The following LHFPL7 variants were observed in gnomAD, a reference collection of about 807,000 sequenced individuals.
The protein encoded by LHFPL7 is LHFPL tetraspan subfamily member 7, also known as LHFPL tetraspan subfamily member 7 protein.
the LHFPL7 span, chr22:24,939,527 G>A: frequency 8.5e-6 from 6 of 702,960 alleles, no homozygotes; most frequent in East Asian, 1.6e-4. Flanking sequence ...CCCACACACT[G>A]CTCAACATTA....
At chr22:24,938,838 C>T in the LHFPL7 span, among the ~76,000 whole-genome samples, 2 of 152,154 alleles carry the variant, frequency 1.3e-5, no homozygotes, top group Admixed American at 6.5e-5. Flanking sequence ...TTAAACCTAG[C>T]AGTGTTTAGA....
the LHFPL7 span, chr22:24,935,145 C>T: frequency 2.8e-6 from 2 of 711,920 alleles, no homozygotes; most frequent in Non-Finnish European, 4.5e-6. Flanking sequence ...AGTGAATTCT[C>T]AGAACAACCT....
At chr22:24,945,191 C>G in the LHFPL7 span, among the ~76,000 whole-genome samples, 1 of 152,194 alleles carries the variant, frequency 6.6e-6, no homozygotes, top group South Asian at 2.1e-4. Context: ...GCATGAGCCA[C>G]CGTGCCTAGC....
chr22:24,946,234 C>G, the LHFPL7 span, among the ~76,000 whole-genome samples: 1 of 151,904 alleles, frequency 6.6e-6, no homozygotes. Context: ...CACTTGAACC[C>G]GGAAGGCGGA....
At chr22:24,943,073 C>G in the LHFPL7 span, among the ~76,000 whole-genome samples, 1 of 151,582 alleles carries the variant, frequency 6.6e-6, no homozygotes, top group Non-Finnish European at 1.5e-5. Context: ...TGAGAGGGGA[C>G]AGTATTTTTA....
chr22:24,945,842 G>C, the LHFPL7 span, among the ~76,000 whole-genome samples: 1 of 152,194 alleles, frequency 6.6e-6, no homozygotes, highest in Non-Finnish European at 1.5e-5. Context: ...ACATTCTCCC[G>C]GCTATGCAGC....
chr22:24,943,427 A>C, the LHFPL7 span, among the ~76,000 whole-genome samples: 1 of 152,164 alleles, frequency 6.6e-6, no homozygotes, highest in Non-Finnish European at 1.5e-5. Context: ...AAAGGGACTG[A>C]ATATTTTCTC....
the LHFPL7 span, among the ~76,000 whole-genome samples, chr22:24,942,282 C>A: frequency 5.0e-4 from 76 of 152,368 alleles, no homozygotes; most frequent in African/African-American, 1.6e-3. Flanking sequence ...GTGTGAGCCA[C>A]CGCGCCCGGC....
At chr22:24,942,715 T>C in the LHFPL7 span, among the ~76,000 whole-genome samples, 1 of 152,082 alleles carries the variant, frequency 6.6e-6, no homozygotes, top group Non-Finnish European at 1.5e-5. Context: ...AGATTATGAA[T>C]CCCTTAGTCT....
the LHFPL7 span, among the ~76,000 whole-genome samples, chr22:24,942,320 G>A: frequency 1.2e-4 from 18 of 152,232 alleles, no homozygotes; most frequent in Non-Finnish European, 2.4e-4. Flanking sequence ...ATAAAAGTAA[G>A]TCAATGTAGA....
the LHFPL7 span, among the ~76,000 whole-genome samples, chr22:24,945,012 G>A: frequency 1.3e-5 from 2 of 151,982 alleles, no homozygotes; most frequent in African/African-American, 4.8e-5. Context: ...ATTTCACCAC[G>A]TTGGCTAGGC....
chr22:24,937,222 G>A, the LHFPL7 span, among the ~76,000 whole-genome samples: 1 of 152,216 alleles, frequency 6.6e-6, no homozygotes, highest in African/African-American at 2.4e-5. Flanking sequence ...AGAAGTCATG[G>A]AAGACCTCAT....
the LHFPL7 span, among the ~76,000 whole-genome samples, chr22:24,940,673 C>CCTT: frequency 1.7e-4 from 21 of 124,300 alleles, no homozygotes; most frequent in African/African-American, 7.1e-4. Context: ...TTCCTTCCTT[C>CCTT]CCTCCTTCCT....
At chr22:24,938,259 C>T in the LHFPL7 span, 1 of 1,613,992 alleles carries the variant, frequency 6.2e-7, no homozygotes, top group Non-Finnish European at 8.5e-7. Context: ...CAACAGGAGC[C>T]AGCCTCCGAG....
At chr22:24,939,326 A>C in the LHFPL7 span, 1 of 702,762 alleles carries the variant, frequency 1.4e-6, no homozygotes, top group Non-Finnish European at 2.6e-6. Context: ...TTGGTGAGCC[A>C]GCTCTCACCT....
chr22:24,941,907 C>T, the LHFPL7 span, among the ~76,000 whole-genome samples: 12 of 152,026 alleles, frequency 7.9e-5, no homozygotes, highest in Admixed American at 2.0e-4. Flanking sequence ...CCTCGTGATC[C>T]GCACGCCTCG....
At chr22:24,939,435 A>G in the LHFPL7 span, 1 of 703,092 alleles carries the variant, frequency 1.4e-6, no homozygotes, top group South Asian at 1.5e-5. Flanking sequence ...GAGGATGCCA[A>G]AGGAGAAGGT....
chr22:24,941,606 T>G, the LHFPL7 span, among the ~76,000 whole-genome samples: 7 of 151,066 alleles, frequency 4.6e-5, no homozygotes, highest in East Asian at 1.9e-4. Context: ...ATATTTGTTT[T>G]TTTTTTTTTT....
the LHFPL7 span, among the ~76,000 whole-genome samples, chr22:24,943,267 A>C: frequency 6.6e-6 from 1 of 152,256 alleles, no homozygotes; most frequent in Admixed American, 6.5e-5. Context: ...TCTCACCTTG[A>C]AAGGAGTTTT....
Sources: gnomAD v4.1 joint callset for allele counts (sites outside exome capture counted in the v4.1 genomes callset) on GRCh38, gnomAD v4.1.1 for gene constraint, MANE v1.5 for transcripts, NCBI Gene and HGNC (gene_info 2026-07-23, HGNC 2026-07-21) for gene names.